Variants in TRERF1 observed in about 807,000 individuals in gnomAD.
The protein encoded by TRERF1 is transcriptional regulating factor 1.
In TRERF1, 27 loss-of-function variants were observed where a neutral mutation model predicts 122.9. That is an observed-to-expected ratio of 0.22 (90% CI 0.16 to 0.30). TRERF1 has a LOEUF of 0.30. TRERF1 is among the 10% of genes least tolerant of loss of function. The pLI is 1.00. For synonymous variants in TRERF1, 636 were observed against 641.7 expected (o/e 0.99, Z 0.13); for missense variants, 1,248 against 1,560.3 (o/e 0.80, Z 3.37).
chr6:42,425,575 G>A (rs552045310), intron 2 of TRERF1, among the ~76,000 whole-genome samples: 8 of 97,526 alleles, frequency 8.2e-5, no homozygotes, highest in South Asian at 3.7e-4. Context: ...ATGGAGTCTC[G>A]CACTGTCGTC....
chr6:42,389,093 G>T (rs762394245), intron 2 of TRERF1, among the ~76,000 whole-genome samples: 7 of 152,120 alleles, frequency 4.6e-5, no homozygotes, highest in Non-Finnish European at 7.4e-5. Flanking sequence ...TAGAATTGGA[G>T]AGAGGGGGTA....
Position 42,329,452 on chromosome 6 carries a change from C to G in TRERF1, c.-370-28703G>C, listed in dbSNP as rs113228927. 4.6e-3 allele frequency among the ~76,000 whole-genome samples: 700 copies of G among 152,208 alleles called. 4 individuals carry two copies. The highest frequency in any genetic ancestry group is 7.3e-3 in the Non-Finnish European group (496 of 68,004). ...AATAATGTGAAGGCTCAGGTGGGGACTGCCTCTTCCCCAGGACCAACCTCC... is the reference window on the plus strand; with the variant it reads ...AATAATGTGAAGGCTCAGGTGGGGAGTGCCTCTTCCCCAGGACCAACCTCC... On this transcript the variant is annotated intron_variant, in intron 3 of 17. Coordinates refer to ENST00000372922, the Ensembl canonical transcript of TRERF1.
rs550400969 is a variant in TRERF1 at position 42,271,413 on chromosome 6, T to C, written c.-258-1565A>G. ...CTCATGCTAGTAATAAATAATATTC[T>C]TCCATGGATAATGAAATTGAAAATA... On this transcript the variant is annotated intron_variant, in intron 4 of 17. Coordinates refer to ENST00000372922, the Ensembl canonical transcript of TRERF1. 3.7e-3 allele frequency among the ~76,000 whole-genome samples: 558 copies of C among 152,216 alleles called. 4 individuals are homozygous for C. The highest frequency in any genetic ancestry group is 0.013 in the African/African-American group (529 of 41,528).
rs542020993 is a variant in TRERF1, at chr6:42,428,231, G to A, written c.-454+22946C>T. The stretch of plus-strand genomic sequence containing the variant: ...TAACTTCTGGTAGGGACAATGCATC[G>A]GAAAACAATTGTAGGCTCAATGATT... On this transcript the variant is annotated intron_variant, in intron 2 of 17. Coordinates refer to ENST00000372922, the Ensembl canonical transcript of TRERF1. Among the ~76,000 whole-genome samples the A allele has an allele frequency of 1.4e-4, 22 of 152,274 alleles. No homozygotes were observed. In the South Asian group the frequency reaches 1.9e-3, roughly 13 times the overall value.
intron 4 of TRERF1, among the ~76,000 whole-genome samples, chr6:42,295,814 C>G (rs1785012746): frequency 6.6e-6 from 1 of 152,098 alleles, no homozygotes; most frequent in Non-Finnish European, 1.5e-5. Context: ...TACTTGCCCA[C>G]TATACAAAGC....
At position 42,264,588 on chromosome 6, in the gene TRERF1, G is replaced by A; in HGVS notation, c.1635+116C>T. 6.8e-6 allele frequency: 10 copies of A among 1,473,886 alleles called. No individual in the cohort carries two copies. The South Asian group carries it at 1.4e-4, about 20-fold the overall frequency. The allele number at this position is 1,473,886 out of a possible 1,614,324, so 91.3% of individuals were successfully genotyped here. A position where few individuals can be genotyped will look rare whatever the true frequency, so the allele number is the denominator to read the frequency against. On this transcript the variant is annotated intron_variant, in intron 7 of 17. Coordinates refer to ENST00000372922, the Ensembl canonical transcript of TRERF1. Reference sequence around the variant, plus strand: ...CAAAGCCTAAGCATTCCTGTCAAGGGAGGACTGTGCCTCGCCAGGTCCCGC... The same window carrying A: ...CAAAGCCTAAGCATTCCTGTCAAGGAAGGACTGTGCCTCGCCAGGTCCCGC...
intron 2 of TRERF1, among the ~76,000 whole-genome samples, chr6:42,371,882 C>T (rs1056634315): frequency 4.6e-5 from 7 of 152,086 alleles, no homozygotes; most frequent in Non-Finnish European, 8.8e-5. Context: ...GTTTTCCCTC[C>T]CTCAAAATCT....
chr6:42,424,849 A>G (rs1278443978), intron 2 of TRERF1, among the ~76,000 whole-genome samples: 2 of 152,236 alleles, frequency 1.3e-5, no homozygotes, highest in African/African-American at 2.4e-5. Flanking sequence ...ACCGTTGTCC[A>G]TAATTAAACA....
In TRERF1 at chr6:42,259,455, C is replaced by A; in HGVS notation, c.2153G>T (p.Arg718Leu). The stretch of plus-strand genomic sequence containing the variant: ...ATTGCTGAAGAGCCCCGAGCCCTGG[C>A]GCACCGGGCTCAGCATGGGTGGGGG... Residue 718 changes from arginine to leucine, a missense_variant, in exon 9 of 18, where the codon CGC becomes CTC. Physicochemically the swap from Arg to Leu is moderately radical, Grantham distance 102. Around this residue, in one of 5 missense-constraint regions of TRERF1, gnomAD observed 946 missense variants for 1,073.0 expected, o/e 0.88. Coordinates refer to ENST00000372922, the Ensembl canonical transcript of TRERF1. The surrounding 1 kb of genome is among the most constrained non-coding windows in gnomAD (Gnocchi z 4.9). 6.2e-7 allele frequency: 1 copy of A among 1,602,616 alleles called. No individual in the cohort carries two copies. Among genetic ancestry groups the A allele is most frequent in the South Asian group, 1.1e-5 (1 of 90,346 alleles).
chr6:42,338,776 G>C (rs1274410255), intron 3 of TRERF1, among the ~76,000 whole-genome samples: 1 of 152,138 alleles, frequency 6.6e-6, no homozygotes, highest in Non-Finnish European at 1.5e-5. Context: ...AGGTCCTTCC[G>C]CACCATAATA....
intron 13 of TRERF1, among the ~76,000 whole-genome samples, chr6:42,253,699 T>C (rs1776232721): frequency 6.6e-6 from 1 of 152,206 alleles, no homozygotes; most frequent in Non-Finnish European, 1.5e-5. Flanking sequence ...AAGAGGGGCT[T>C]TGAGGTCTGC....
chr6:42,285,241 G>C (rs1006622068), intron 4 of TRERF1, among the ~76,000 whole-genome samples: 10 of 152,090 alleles, frequency 6.6e-5, no homozygotes, highest in Non-Finnish European at 1.5e-4. Flanking sequence ...TCTCTTTGAA[G>C]CAATTCTGAA....
Position 42,228,221 on chromosome 6 carries a change from T to A in TRERF1, c.*124A>T. The A allele has an allele frequency of 1.2e-6, 1 of 845,520 alleles. No homozygotes were observed. Among genetic ancestry groups the A allele is most frequent in the South Asian group, 3.0e-5 (1 of 32,838 alleles). The allele number at this position is 845,520 out of a possible 1,614,324, so 52.4% of individuals were successfully genotyped here. On this transcript the variant is annotated 3_prime_UTR_variant, in exon 18 of 18. Transcript: ENST00000372922. This position sits in a 1 kb window ranked among gnomAD's most constrained non-coding sequence, Gnocchi z 4.2. ...TAGGATTTTTTTTTCTAAACCTGAA[T>A]AAAATGACCACTTTTAAAACAGGTA...
chr6:42,446,050 G>A (rs763524974), intron 2 of TRERF1, among the ~76,000 whole-genome samples: 2 of 152,212 alleles, frequency 1.3e-5, no homozygotes, highest in Non-Finnish European at 2.9e-5. Context: ...AAGTAGCTGG[G>A]ATCACAGGCA....
At chr6:42,401,366 T>G (rs1410672616) in intron 2 of TRERF1, among the ~76,000 whole-genome samples, 2 of 152,224 alleles carry the variant, frequency 1.3e-5, no homozygotes, top group African/African-American at 2.4e-5. Context: ...ATCATTACAA[T>G]TAACACCTTT....
chr6:42,312,597 G>A (rs1338659099), intron 3 of TRERF1, among the ~76,000 whole-genome samples: 1 of 152,190 alleles, frequency 6.6e-6, no homozygotes, highest in African/African-American at 2.4e-5. Context: ...GACAATGCTG[G>A]CGCTGGGTGT....
At chr6:42,402,631 C>A (rs1779555524) in intron 2 of TRERF1, among the ~76,000 whole-genome samples, 1 of 151,968 alleles carries the variant, frequency 6.6e-6, no homozygotes, top group South Asian at 2.1e-4. Context: ...AAATGTCTAC[C>A]CTTCTGAATT....
chr6:42,264,209 T>C (rs1778738700), intron 7 of TRERF1, among the ~76,000 whole-genome samples: 1 of 152,224 alleles, frequency 6.6e-6, no homozygotes, highest in African/African-American at 2.4e-5. Flanking sequence ...TAGTTTACTA[T>C]CTGGATATCC....
intron 4 of TRERF1, among the ~76,000 whole-genome samples, chr6:42,299,934 C>G (rs9462798): frequency 1.2e-4 from 18 of 152,198 alleles, no homozygotes; most frequent in Non-Finnish European, 2.4e-4. Context: ...GTTGCATGAG[C>G]AACCAGCAAG....
Sources: gnomAD v4.1 joint callset for allele counts (sites outside exome capture counted in the v4.1 genomes callset) on GRCh38, gnomAD v4.1.1 for gene constraint, gnomAD v4.1.1 regional missense constraint, Gnocchi (gnomAD v3.1) non-coding constraint, MANE v1.5 for transcripts, NCBI Gene and HGNC (gene_info 2026-07-23, HGNC 2026-07-21) for gene names.